The following ATG7 variants were observed in gnomAD, a reference collection of about 807,000 sequenced individuals.
The protein encoded by ATG7 is autophagy related 7, also known as ubiquitin-like modifier-activating enzyme ATG7.
ATG7 carries 70 observed loss-of-function variants against 82.4 expected under a neutral mutation model. The observed-to-expected ratio is 0.85, with a 90% CI of 0.70 to 1.04. The LOEUF is 1.04. Ranked by LOEUF, ATG7 falls within the 50% of genes least tolerant of loss-of-function variation. The pLI is 0.00. For missense variants in ATG7, 792 were observed against 864.3 expected (o/e 0.92, Z 1.05); for synonymous variants, 287 against 313.0 (o/e 0.92, Z 0.88).
chr3:11,394,138 C>T (rs1352382368), intron 19 of ATG7, among the ~76,000 whole-genome samples: 1 of 152,182 alleles, frequency 6.6e-6, no homozygotes. Flanking sequence ...AACTCTCATC[C>T]TTTATAGTTC....
intron 19 of ATG7, among the ~76,000 whole-genome samples, chr3:11,409,917 G>T (rs2080737751): frequency 6.6e-6 from 1 of 151,996 alleles, no homozygotes; most frequent in Non-Finnish European, 1.5e-5. Context: ...TTTCTATTCT[G>T]TTCTGTGATA....
At chr3:11,295,427 A>C (rs1226094208) in intron 3 of ATG7, among the ~76,000 whole-genome samples, 3 of 152,202 alleles carry the variant, frequency 2.0e-5, no homozygotes, top group Non-Finnish European at 2.9e-5. Flanking sequence ...GCCTGTTGAA[A>C]AACAACAACA....
chr3:11,517,221 A>T (rs1384389182), intron 20 of ATG7, among the ~76,000 whole-genome samples: 5 of 148,622 alleles, frequency 3.4e-5, no homozygotes, highest in Non-Finnish European at 7.5e-5. Context: ...CATGCCTGTA[A>T]TCCCAGCTAC....
At chr3:11,366,430 C>T (rs540607336) in intron 18 of ATG7, among the ~76,000 whole-genome samples, 1 of 152,020 alleles carries the variant, frequency 6.6e-6, no homozygotes, top group Non-Finnish European at 1.5e-5. Context: ...TTAATCTTTT[C>T]TACAGAGACA....
At chr3:11,331,544 G>T in intron 10 of ATG7, 116 bp downstream of exon 10, 1 of 931,716 alleles carries the variant, frequency 1.1e-6, no homozygotes, top group Admixed American at 2.1e-5. Flanking sequence ...TTTCATTTTG[G>T]GCATGGAAAC....
chr3:11,341,187 G>A (rs564723450), intron 12 of ATG7, among the ~76,000 whole-genome samples: 33 of 151,642 alleles, frequency 2.2e-4, no homozygotes, highest in Admixed American at 3.9e-4. Context: ...TCAGCCTCCT[G>A]AGTAGCTGGG....
rs535819200 is a variant in ATG7 at position 11,490,254 on chromosome 3, T to G, written c.2079+63328T>G. ...TAATGGCCTTGTCTCTTTTGATCTT[T>G]GTTGGTTTAAAGTCTTCTATCAGAG... On this transcript the variant is annotated intron_variant, in intron 20 of 20. Transcript: ENST00000693202. 3.9e-5 allele frequency among the ~76,000 whole-genome samples: 6 copies of G among 152,354 alleles called. No individual in the cohort carries two copies. In the South Asian group the frequency reaches 1.2e-3, roughly 32 times the overall value.
At chr3:11,561,672 C>G (rs570023909), downstream of ATG7, among the ~76,000 whole-genome samples, 8 of 152,256 alleles carry the variant, frequency 5.3e-5, no homozygotes, top group South Asian at 6.2e-4. Context: ...TCCCCTCCCC[C>G]ACACCCTTAT....
At chr3:11,311,203 C>T (rs1424805800) in intron 7 of ATG7, among the ~76,000 whole-genome samples, 1 of 152,096 alleles carries the variant, frequency 6.6e-6, no homozygotes, top group Non-Finnish European at 1.5e-5. Context: ...CTTCAGACAC[C>T]AAGGACTTTA....
At chr3:11,285,990 C>G (rs1255495035) in intron 3 of ATG7, among the ~76,000 whole-genome samples, 1 of 152,140 alleles carries the variant, frequency 6.6e-6, no homozygotes, top group African/African-American at 2.4e-5. Flanking sequence ...CTTTTAAGAC[C>G]ATGGCACTTC....
intron 18 of ATG7, among the ~76,000 whole-genome samples, chr3:11,373,753 T>G (rs959068111): frequency 1.3e-5 from 2 of 152,198 alleles, no homozygotes; most frequent in African/African-American, 4.8e-5. Flanking sequence ...TACTTGGATT[T>G]TAGATTGCTC....
chr3:11,509,557 G>A (rs932447633), intron 20 of ATG7, among the ~76,000 whole-genome samples: 7 of 152,292 alleles, frequency 4.6e-5, no homozygotes, highest in Admixed American at 6.5e-5. Context: ...GGCCTTTTAA[G>A]TAAGTGACGT....
intron 18 of ATG7, among the ~76,000 whole-genome samples, chr3:11,376,425 G>C (rs1305059993): frequency 6.6e-6 from 1 of 152,240 alleles, no homozygotes; most frequent in East Asian, 1.9e-4. Context: ...AGAGGGTAGA[G>C]ATACTATTTC....
In ATG7 at chr3:11,281,014, A is replaced by G. The variant is rs1559315869; in HGVS notation, c.-345A>G. 6.6e-6 allele frequency: 1 copy of G among 152,148 alleles called. No individual in the cohort carries two copies. 9.4% of individuals were successfully genotyped at this position (152,148 alleles called of 1,614,324 possible). A position where few individuals can be genotyped will look rare whatever the true frequency, so the allele number is the denominator to read the frequency against. On this transcript the variant is annotated 5_prime_UTR_variant, in exon 2 of 21. Transcript: ENST00000693202. ...GTCAGGATCCAATTCCTGTATCTTC[A>G]CCTTGTCTACCGGGATTTCTAGAGC...
chr3:11,308,308 C>T (rs879488685), intron 6 of ATG7: 4 of 152,290 alleles, frequency 2.6e-5, no homozygotes, highest in Non-Finnish European at 5.9e-5. Flanking sequence ...CAGCTGCTGA[C>T]CAGCACCAGC....
chr3:11,335,167 G>GT (rs1553617034), intron 11 of ATG7, among the ~76,000 whole-genome samples: 2 of 151,946 alleles, frequency 1.3e-5, no homozygotes, highest in Non-Finnish European at 2.9e-5. Context: ...CCTTTCTGCT[G>GT]TTTTTAGATA....
intron 19 of ATG7, among the ~76,000 whole-genome samples, chr3:11,403,504 C>T (rs185714595): frequency 3.1e-4 from 47 of 151,972 alleles, no homozygotes; most frequent in Non-Finnish European, 5.3e-4. Flanking sequence ...GATGAAAAGA[C>T]ATCATTTAAG....
At position 11,506,294 on chromosome 3, in the gene ATG7, C is replaced by T. The variant is rs777695872; in HGVS notation, c.2080-48517C>T. Among the ~76,000 whole-genome samples the T allele has an allele frequency of 5.9e-5, 9 of 152,156 alleles. 1 individual carries two copies. The South Asian group carries it at 6.2e-4, about 10-fold the overall frequency. On this transcript the variant is annotated intron_variant, in intron 20 of 20. Transcript: ENST00000693202. Reference sequence around the variant, plus strand: ...CATCCAGTGCGGTGGCCACTAAGCACATTTGATTATTTAAATGTAATTCGA... The same window carrying T: ...CATCCAGTGCGGTGGCCACTAAGCATATTTGATTATTTAAATGTAATTCGA...
intron 20 of ATG7, among the ~76,000 whole-genome samples, chr3:11,505,400 GTGT>G (rs1339594363): frequency 2.0e-5 from 3 of 152,186 alleles, no homozygotes; most frequent in Non-Finnish European, 4.4e-5. Flanking sequence ...CTTGGTGTCT[GTGT>G]TGTTTAGAAT....
Sources: gnomAD v4.1 joint callset for allele counts (sites outside exome capture counted in the v4.1 genomes callset) on GRCh38, gnomAD v4.1.1 for gene constraint, MANE v1.5 for transcripts, NCBI Gene and HGNC (gene_info 2026-07-23, HGNC 2026-07-21) for gene names.